ABLIM2: variants seen among roughly 807,000 people sequenced by gnomAD.
The protein encoded by ABLIM2 is actin binding LIM protein family member 2.
In ABLIM2, 53 loss-of-function variants were observed where a neutral mutation model predicts 97.7. The observed-to-expected ratio is 0.54, with a 90% confidence interval of 0.44 to 0.68. The LOEUF (loss-of-function observed/expected upper bound fraction) is 0.68. Among genes scored for constraint, ABLIM2 ranks in the 30% least tolerant of loss-of-function variants. ABLIM2 has a pLI of 0.00. For missense variants in ABLIM2, 835 were observed against 867.2 expected (o/e 0.96, Z 0.47); for synonymous variants, 361 against 345.8 (o/e 1.04, Z -0.49).
At chr4:7,997,541 T>G (rs1754136438) in intron 16 of ABLIM2, among the ~76,000 whole-genome samples, 1 of 152,234 alleles carries the variant, frequency 6.6e-6, no homozygotes, top group African/African-American at 2.4e-5. Context: ...GTTCATGGAT[T>G]CTCTCCTGTC....
chr4:8,134,341 C>T (rs1384005566), intron 1 of ABLIM2, among the ~76,000 whole-genome samples: 3 of 152,042 alleles, frequency 2.0e-5, no homozygotes, highest in South Asian at 2.1e-4. Context: ...TGGGAGGTGC[C>T]GCTCCTCCAC....
In ABLIM2 at chr4:7,998,595, G is replaced by C. The variant is rs1326272649; in HGVS notation, c.1619-5668C>G. On this transcript the variant is annotated intron_variant, in intron 16 of 20. Coordinates refer to ENST00000447017, the MANE Select transcript of ABLIM2 (RefSeq NM_001130083.2). The surrounding 1 kb of genome is among the most constrained non-coding windows in gnomAD (Gnocchi z 6.4). ...CCTGGGTTCACTCCCAGGACTGCGG[G>C]GTGCCTGCTGGCCACCTGCCCATCT... The C allele has an allele frequency of 4.1e-6, 2 of 485,934 alleles. No individual in the cohort carries two copies. Among genetic ancestry groups the C allele is most frequent in the Non-Finnish European group, 8.2e-6 (2 of 243,130 alleles). The allele number at this position is 485,934 out of a possible 1,614,324, so 30.1% of individuals were successfully genotyped here.
Position 8,029,741 on chromosome 4 carries a change from C to A in ABLIM2, c.1083G>T (p.Arg361=). The A allele has an allele frequency of 6.4e-7, 1 of 1,561,742 alleles. No homozygotes were observed. Among genetic ancestry groups the A allele is most frequent in the Non-Finnish European group, 8.7e-7 (1 of 1,153,256 alleles). The change falls in exon 11 of 21, where the codon CGG becomes CGT. Residue 361 remains arginine, a synonymous_variant. Coordinates refer to ENST00000447017, the MANE Select transcript of ABLIM2 (RefSeq NM_001130083.2). The part of the protein sequence containing the change: ...DQDDRSYKQC[R]TSSPSSTGSV... ...ACCCAGTGGAGCTTGGGCTGGAGGT[C>A]CGACACTGCTTGTAGGACCGGTCAT...
intron 10 of ABLIM2, 124 bp from the exon 11 acceptor site, chr4:8,029,900 C>T: frequency 1.5e-6 from 2 of 1,325,312 alleles, no homozygotes; most frequent in Non-Finnish European, 2.0e-6. Flanking sequence ...CAACATGGCC[C>T]CATGTGGGAA....
chr4:7,979,022 T>C (rs1485643920), intron 20 of ABLIM2, among the ~76,000 whole-genome samples: 1 of 152,216 alleles, frequency 6.6e-6, no homozygotes, highest in Non-Finnish European at 1.5e-5. Context: ...ACACTCACTC[T>C]GCGCAGATGC....
rs559002563 is a variant in ABLIM2 at position 8,061,683 on chromosome 4, C to T, written c.676-629G>A. On this transcript the variant is annotated intron_variant, in intron 6 of 20. Coordinates refer to ENST00000447017, the MANE Select transcript of ABLIM2 (RefSeq NM_001130083.2). The surrounding 1 kb of genome is among the most constrained non-coding windows in gnomAD (Gnocchi z 4.5). Reference sequence around the variant, plus strand: ...AAAAAAAAAATCACCCCGAAATGCTCCCTTTACCCCCACGTTCCAGCACAC... The same window carrying T: ...AAAAAAAAAATCACCCCGAAATGCTTCCTTTACCCCCACGTTCCAGCACAC... Among the ~76,000 whole-genome samples, 204 of 151,844 alleles carry T rather than the reference C, an allele frequency of 1.3e-3. 1 individual carries two copies. Among genetic ancestry groups the T allele is most frequent in the Non-Finnish European group, 1.5e-4 (10 of 67,952 alleles).
At chr4:8,057,815 T>C (rs77969387) in intron 7 of ABLIM2, among the ~76,000 whole-genome samples, 3,953 of 152,260 alleles carry the variant, frequency 0.026, 87 homozygotes, top group Admixed American at 0.067. Context: ...AGAGCCTTTA[T>C]TGCAGCAGGA....
chr4:8,108,541 T>A (rs911140499), intron 1 of ABLIM2, among the ~76,000 whole-genome samples: 1 of 152,206 alleles, frequency 6.6e-6, no homozygotes, highest in South Asian at 2.1e-4. Context: ...GGTTAAACAA[T>A]AACTCGGTCC....
intron 1 of ABLIM2, among the ~76,000 whole-genome samples, chr4:8,133,448 T>G (rs933742710): frequency 6.6e-6 from 1 of 152,126 alleles, no homozygotes; most frequent in Non-Finnish European, 1.5e-5. Flanking sequence ...CCGGTCCATA[T>G]CTCTCCTGGT....
chr4:8,027,985 A>G, intron 11 of ABLIM2, 128 bp from the exon 12 acceptor site: 1 of 640,314 alleles, frequency 1.6e-6, no homozygotes, highest in South Asian at 2.7e-5. Context: ...AACTTTTTGC[A>G]CCTGAAGGTG....
At position 8,112,873 on chromosome 4, in the gene ABLIM2, C is replaced by A. The variant is rs1438959838; in HGVS notation, c.11-6236G>T. Among the ~76,000 whole-genome samples, 6 of 152,182 alleles carry A rather than the reference C, an allele frequency of 3.9e-5. No homozygotes were observed. Among genetic ancestry groups the A allele is most frequent in the African/African-American group, 1.4e-4 (6 of 41,434 alleles). On this transcript the variant is annotated intron_variant, in intron 1 of 20. Coordinates refer to ENST00000447017, the MANE Select transcript of ABLIM2 (RefSeq NM_001130083.2). The surrounding 1 kb of genome is among the most constrained non-coding windows in gnomAD (Gnocchi z 4.2). The stretch of plus-strand genomic sequence containing the variant: ...ACCCCTTCCATCACCTGCTGGGCTG[C>A]AAACCATGTGTTCACTTGTTCAACA...
At position 8,128,778 on chromosome 4, in the gene ABLIM2, C is replaced by T. The variant is rs1342521629; in HGVS notation, c.11-22141G>A. On this transcript the variant is annotated intron_variant, in intron 1 of 20. Coordinates refer to ENST00000447017, the MANE Select transcript of ABLIM2 (RefSeq NM_001130083.2). This position sits in a 1 kb window ranked among gnomAD's most constrained non-coding sequence, Gnocchi z 4.9. ...AATTAGGTCTTGCAGGTGGAGCCCTCATCATGGGATGAGTGCCCTTGTAAG... is the reference window on the plus strand; with the variant it reads ...AATTAGGTCTTGCAGGTGGAGCCCTTATCATGGGATGAGTGCCCTTGTAAG... Among the ~76,000 whole-genome samples the T allele has an allele frequency of 1.3e-5, 2 of 152,126 alleles. No individual in the cohort carries two copies. The highest frequency in any genetic ancestry group is 2.4e-5 in the African/African-American group (1 of 41,436).
intron 14 of ABLIM2, among the ~76,000 whole-genome samples, chr4:8,012,124 C>CCCAT (rs1331117043): frequency 5.3e-5 from 8 of 150,782 alleles, no homozygotes; most frequent in Non-Finnish European, 7.4e-5. Context: ...CCATCCTTCA[C>CCCAT]CCATCCATCC....
intron 8 of ABLIM2, among the ~76,000 whole-genome samples, chr4:8,050,850 G>A (rs1020640851): frequency 6.6e-6 from 1 of 152,210 alleles, no homozygotes; most frequent in African/African-American, 2.4e-5. Flanking sequence ...AGCCTGCGCC[G>A]CCTCCTCCCT....
intron 12 of ABLIM2, among the ~76,000 whole-genome samples, chr4:8,025,455 G>A (rs972888169): frequency 6.6e-6 from 1 of 152,196 alleles, no homozygotes; most frequent in African/African-American, 2.4e-5. Context: ...AACTGGTGGT[G>A]GGTAGGTGGG....
chr4:8,009,996 T>C (rs1057377395), intron 14 of ABLIM2, among the ~76,000 whole-genome samples: 1 of 152,188 alleles, frequency 6.6e-6, no homozygotes, highest in Admixed American at 6.5e-5. Context: ...GCTGGCAAAC[T>C]GCAAAATGGT....
At position 8,124,104 on chromosome 4, in the gene ABLIM2, G is replaced by A. The variant is rs1474262216; in HGVS notation, c.11-17467C>T. On this transcript the variant is annotated intron_variant, in intron 1 of 20. Coordinates refer to ENST00000447017, the MANE Select transcript of ABLIM2 (RefSeq NM_001130083.2). This position sits in a 1 kb window ranked among gnomAD's most constrained non-coding sequence, Gnocchi z 6.1. ...AAAAACCACACACTCTCACACACCT[G>A]GGACATATGATATGACATCACAACC... 6.6e-6 allele frequency among the ~76,000 whole-genome samples: 1 copy of A among 152,098 alleles called. No homozygotes were observed. Among genetic ancestry groups the A allele is most frequent in the African/African-American group, 2.4e-5 (1 of 41,404 alleles).
chr4:8,077,568 C>T (rs1817040842), intron 6 of ABLIM2, 60 bp downstream of exon 6: 1 of 1,459,960 alleles, frequency 6.8e-7, no homozygotes, highest in Non-Finnish European at 9.4e-7. Context: ...CCAGTCAACT[C>T]CCAGGGGGGC....
intron 1 of ABLIM2, among the ~76,000 whole-genome samples, chr4:8,153,707 T>TGCCCTTCTCAGAGCG (rs747507590): frequency 0.023 from 3,426 of 149,602 alleles, 130 homozygotes; most frequent in African/African-American, 0.079. Context: ...CTACCAGCGC[T>TGCCCTTCTCAGAGCG]GGAGGCAGAG....
Sources: allele counts gnomAD v4.1 joint callset (sites outside exome capture counted in the v4.1 genomes callset), GRCh38; gene constraint gnomAD v4.1.1; non-coding constraint Gnocchi (gnomAD v3.1); transcripts MANE v1.5; gene names NCBI Gene and HGNC (gene_info 2026-07-23, HGNC 2026-07-21).